The following WAC variants were observed in gnomAD, a reference collection of about 807,000 sequenced individuals.
WAC encodes WW domain containing adaptor with coiled-coil.
WAC carries 11 observed loss-of-function variants against 79.6 expected under a neutral mutation model. The ratio of observed to expected loss-of-function variants is 0.14; its 90% CI spans 0.09 to 0.23. The LOEUF is 0.23. WAC is among the 10% of genes least tolerant of loss of function. The probability of loss-of-function intolerance (pLI) is 1.00; values close to 1 mark genes in which losing one functional copy is unlikely to be tolerated. For synonymous variants in WAC, 304 were observed against 276.9 expected, an observed-to-expected ratio of 1.10 and a Z score of -0.97; for missense variants, 728 against 773.5, an observed-to-expected ratio of 0.94 and a Z score of 0.70.
At chr10:28,574,158 TTTTG>T (rs1369660421) in intron 3 of WAC, among the ~76,000 whole-genome samples, 1 of 152,008 alleles carries the variant, frequency 6.6e-6, no homozygotes, top group Non-Finnish European at 1.5e-5. Flanking sequence ...TGTTTTTTTG[TTTTG>T]TTTTGTTTTT....
At chr10:28,585,901 T>C (rs571719752) in intron 4 of WAC, among the ~76,000 whole-genome samples, 4 of 152,152 alleles carry the variant, frequency 2.6e-5, no homozygotes, top group Admixed American at 6.5e-5. Context: ...AAAGAATAAA[T>C]AATGGGCGTA....
intron 3 of WAC, among the ~76,000 whole-genome samples, chr10:28,542,226 C>T (rs1207243441): frequency 2.6e-5 from 4 of 152,164 alleles, no homozygotes; most frequent in African/African-American, 9.7e-5. Context: ...CCTTCTCTGC[C>T]CTTGCTGAAC....
At chr10:28,563,741 C>T in intron 3 of WAC, among the ~76,000 whole-genome samples, 1 of 90,836 alleles carries the variant, frequency 1.1e-5, no homozygotes, top group Non-Finnish European at 2.5e-5. Context: ...TGCCTACACC[C>T]AGCTTTTTTT....
At chr10:28,596,374 T>G (rs1359758179) in intron 7 of WAC, among the ~76,000 whole-genome samples, 2 of 152,216 alleles carry the variant, frequency 1.3e-5, no homozygotes, top group Admixed American at 1.3e-4. Flanking sequence ...GTTTAGTTTA[T>G]AAATCGTCTC....
chr10:28,561,815 T>C (rs1838313780), intron 3 of WAC, among the ~76,000 whole-genome samples: 1 of 152,142 alleles, frequency 6.6e-6, no homozygotes, highest in Admixed American at 6.5e-5. Flanking sequence ...GAGAACCCTA[T>C]TGTGAACTGT....
intron 7 of WAC, among the ~76,000 whole-genome samples, chr10:28,601,089 T>C (rs1840621533): frequency 1.3e-5 from 2 of 152,128 alleles, no homozygotes; most frequent in African/African-American, 4.8e-5. Context: ...AATAGGCACA[T>C]TGGACTTCGT....
At chr10:28,540,861 G>A (rs1490009874) in intron 3 of WAC, among the ~76,000 whole-genome samples, 2 of 151,810 alleles carry the variant, frequency 1.3e-5, no homozygotes, top group Non-Finnish European at 2.9e-5. Flanking sequence ...CAGTCTTAAT[G>A]TTTCAACTCT....
intron 3 of WAC, among the ~76,000 whole-genome samples, chr10:28,574,533 C>T (rs1839145279): frequency 6.6e-6 from 1 of 152,110 alleles, no homozygotes; most frequent in South Asian, 2.1e-4. Context: ...GCCTCTGCCT[C>T]CCGGGTTCTG....
chr10:28,581,047 A>G (rs1455857625), intron 3 of WAC, among the ~76,000 whole-genome samples: 1 of 152,084 alleles, frequency 6.6e-6, no homozygotes, highest in Non-Finnish European at 1.5e-5. Context: ...ACAAATTGTG[A>G]CACACTTGTG....
chr10:28,619,959 TTA>T lies in WAC; in HGVS notation c.*354_*355del, dbSNP rs763615558. On this transcript the variant is annotated 3_prime_UTR_variant, in exon 14 of 14. Coordinates refer to ENST00000354911, the MANE Select transcript of WAC (RefSeq NM_016628.5). Reference sequence around the variant, plus strand: ...AAACCTGTCTGCAAAATTAGCTTTTTTAAAAAAAAAAAAAAAAAAATTGGGGG... The same window carrying T: ...AAACCTGTCTGCAAAATTAGCTTTTTAAAAAAAAAAAAAAAAAATTGGGGG... The T allele has an allele frequency of 6.4e-3, 933 of 146,130 alleles. 1 individual carries two copies. The highest frequency in any genetic ancestry group is 7.0e-3 in the Non-Finnish European group (469 of 67,352). 9.1% of individuals were successfully genotyped at this position (146,130 alleles called of 1,614,324 possible).
At chr10:28,573,188 A>C (rs571508203) in intron 3 of WAC, among the ~76,000 whole-genome samples, 28 of 151,912 alleles carry the variant, frequency 1.8e-4, no homozygotes, top group African/African-American at 6.5e-4. Flanking sequence ...ATATTTCCCT[A>C]GGCTGGTCTG....
intron 1 of WAC, 164 bp from the exon 2 acceptor site, chr10:28,533,833 GC>G (rs1836436806): frequency 9.7e-7 from 1 of 1,028,598 alleles, no homozygotes; most frequent in Non-Finnish European, 1.4e-6. Context: ...GCCCTCTCCG[GC>G]CCTTCCGGAG....
At chr10:28,576,689 T>A (rs1367349433) in intron 3 of WAC, among the ~76,000 whole-genome samples, 1 of 152,186 alleles carries the variant, frequency 6.6e-6, no homozygotes. Context: ...TTTTCAGATG[T>A]TAGACAGTTC....
chr10:28,586,928 A>G (rs747933741), intron 4 of WAC, among the ~76,000 whole-genome samples: 1 of 152,172 alleles, frequency 6.6e-6, no homozygotes, highest in Non-Finnish European at 1.5e-5. Context: ...ATTCCAGCTC[A>G]TCTTGTTATC....
At chr10:28,578,783 C>T (rs1347254802) in intron 3 of WAC, among the ~76,000 whole-genome samples, 1 of 152,048 alleles carries the variant, frequency 6.6e-6, no homozygotes, top group Non-Finnish European at 1.5e-5. Context: ...TCAGAAGATG[C>T]CAAATAGGGA....
chr10:28,600,539 G>A (rs1219928092), intron 7 of WAC, among the ~76,000 whole-genome samples: 2 of 152,042 alleles, frequency 1.3e-5, no homozygotes, highest in African/African-American at 2.4e-5. Flanking sequence ...AATATTTATT[G>A]AATAATCGAA....
chr10:28,567,613 G>A (rs569903107), intron 3 of WAC, among the ~76,000 whole-genome samples: 2 of 152,038 alleles, frequency 1.3e-5, no homozygotes, highest in East Asian at 1.9e-4. Flanking sequence ...CTACATCACT[G>A]GGCCAAAAAA....
chr10:28,614,464 C>A, intron 10 of WAC, 103 bp from the exon 11 acceptor site: 1 of 147,968 alleles, frequency 6.8e-6, no homozygotes, highest in Non-Finnish European at 1.0e-5. Flanking sequence ...AGTTTCAGAA[C>A]TTGACTGCCA....
chr10:28,596,115 A>G lies in WAC; in HGVS notation c.919+74A>G, dbSNP rs537386550. 6.3e-6 allele frequency: 9 copies of G among 1,426,720 alleles called. No homozygotes were observed. The East Asian group carries it at 1.9e-4, about 30-fold the overall frequency. 88.4% of individuals were successfully genotyped at this position (1,426,720 alleles called of 1,614,324 possible). A position where few individuals can be genotyped will look rare whatever the true frequency, so the allele number is the denominator to read the frequency against. On this transcript the variant is annotated intron_variant, in intron 7 of 13. Coordinates refer to ENST00000354911, the MANE Select transcript of WAC (RefSeq NM_016628.5). The stretch of plus-strand genomic sequence containing the variant: ...TTCTTCTAAGTTTCTTATATATTAC[A>G]TTATTTCCTTTGGCTCTGAATTATA...
Sources: allele counts gnomAD v4.1 joint callset (sites outside exome capture counted in the v4.1 genomes callset), GRCh38; gene constraint gnomAD v4.1.1; transcripts MANE v1.5; gene names NCBI Gene and HGNC (gene_info 2026-07-23, HGNC 2026-07-21).